The following GXYLT1 variants were observed in gnomAD, a reference collection of about 807,000 sequenced individuals.
The protein encoded by GXYLT1 is glucoside xylosyltransferase 1, also known as glycosyltransferase 8 domain containing 3.
In GXYLT1, 29 loss-of-function variants were observed where a neutral mutation model predicts 54.0. That is an observed-to-expected ratio of 0.54 (90% confidence interval 0.40 to 0.73). The LOEUF is 0.73. Ranked by LOEUF, GXYLT1 falls within the 30% of genes least tolerant of loss-of-function variation. The pLI is 0.00. For synonymous variants in GXYLT1, 176 were observed against 204.1 expected, an observed-to-expected ratio of 0.86 and a Z score of 1.17; for missense variants, 490 against 553.4, an observed-to-expected ratio of 0.89 and a Z score of 1.15.
chr12:42,103,196 T>C (rs2136886287), intron 5 of GXYLT1, among the ~76,000 whole-genome samples: 1 of 152,328 alleles, frequency 6.6e-6, no homozygotes, highest in African/African-American at 2.4e-5. Flanking sequence ...TGGCCTCAAG[T>C]GATCCACCCA....
chr12:42,105,179 G>C (rs1397571014), intron 5 of GXYLT1, among the ~76,000 whole-genome samples: 1 of 152,102 alleles, frequency 6.6e-6, no homozygotes, highest in East Asian at 1.9e-4. Flanking sequence ...ACATGAAACT[G>C]GTAAATATTA....
chr12:42,093,694 G>A (rs2065340863), intron 7 of GXYLT1, among the ~76,000 whole-genome samples: 1 of 151,820 alleles, frequency 6.6e-6, no homozygotes, highest in Non-Finnish European at 1.5e-5. Context: ...TTATTTTTTA[G>A]AGACAAAGTC....
chr12:42,144,687 CG>C lies in GXYLT1; in HGVS notation c.-42del. On this transcript the variant is annotated 5_prime_UTR_variant, in exon 1 of 8. Coordinates refer to ENST00000398675, the MANE Select transcript of GXYLT1 (RefSeq NM_173601.2). ...CCTCCTTCGCCGCCGCCGCCGCGCC[CG>C]CCCCGACGAACTGGAGCGGAGGGAG... 1 of 1,369,816 alleles carries C rather than the reference CG, an allele frequency of 7.3e-7. No individual in the cohort carries two copies. The highest frequency in any genetic ancestry group is 9.5e-7 in the Non-Finnish European group (1 of 1,050,798). 84.9% of individuals were successfully genotyped at this position (1,369,816 alleles called of 1,614,324 possible).
chr12:42,103,818 A>G (rs2065403711), intron 5 of GXYLT1, among the ~76,000 whole-genome samples: 1 of 152,200 alleles, frequency 6.6e-6, no homozygotes, highest in Non-Finnish European at 1.5e-5. Context: ...AAAAGGTTTG[A>G]AAGTTTAGAA....
At chr12:42,137,912 G>A (rs555200752) in intron 1 of GXYLT1, among the ~76,000 whole-genome samples, 19 of 152,206 alleles carry the variant, frequency 1.2e-4, no homozygotes, top group Middle Eastern at 3.4e-3. Context: ...AGATGCTTAC[G>A]GACACATTAA....
chr12:42,141,442 C>A (rs982730403), intron 1 of GXYLT1, among the ~76,000 whole-genome samples: 5 of 151,742 alleles, frequency 3.3e-5, no homozygotes, highest in African/African-American at 9.7e-5. Flanking sequence ...AATTCTATTA[C>A]AAATTAAGTA....
intron 3 of GXYLT1, among the ~76,000 whole-genome samples, chr12:42,112,058 C>G (rs2065460759): frequency 6.7e-6 from 1 of 150,164 alleles, no homozygotes; most frequent in Non-Finnish European, 1.5e-5. Context: ...AAACTCCAAA[C>G]TCCAACAGAC....
intron 2 of GXYLT1, among the ~76,000 whole-genome samples, chr12:42,119,454 G>T (rs2065517486): frequency 6.7e-6 from 1 of 148,516 alleles, no homozygotes; most frequent in African/African-American, 2.6e-5. Flanking sequence ...GAAAGGGAAA[G>T]GCAAAGGGAA....
At chr12:42,129,978 T>C (rs898478595) in intron 1 of GXYLT1, 127 bp from the exon 2 acceptor site, 2 of 596,776 alleles carry the variant, frequency 3.4e-6, no homozygotes, top group Non-Finnish European at 2.9e-6. Flanking sequence ...AAATCCAAAT[T>C]GCTATGATAA....
At position 42,144,750 on chromosome 12, in the gene GXYLT1, C is replaced by CCCGCAGCCG. The variant is rs1555143893; in HGVS notation, c.-113_-105dup. ...AGCCGCGGGCGCAACAAGTTCCTCA[C>CCCGCAGCCG]CCGCAGCCGCCGCCGCCGCCTTGCG... On this transcript the variant is annotated 5_prime_UTR_variant, in exon 1 of 8. Transcript: ENST00000398675. 8 of 801,950 alleles carry CCCGCAGCCG rather than the reference C, an allele frequency of 1.0e-5. No individual in the cohort carries two copies. The highest frequency in any genetic ancestry group is 1.2e-5 in the Non-Finnish European group (7 of 583,664). The allele number at this position is 801,950 out of a possible 1,614,324, so 49.7% of individuals were successfully genotyped here.
At chr12:42,114,869 C>T (rs1016281815) in intron 3 of GXYLT1, among the ~76,000 whole-genome samples, 2 of 151,770 alleles carry the variant, frequency 1.3e-5, no homozygotes, top group African/African-American at 4.8e-5. Flanking sequence ...AACATCGATG[C>T]AAAAATCCTC....
chr12:42,097,987 G>A lies in GXYLT1; in HGVS notation c.911C>T (p.Pro304Leu). The A allele has an allele frequency of 6.2e-7, 1 of 1,604,512 alleles. No individual in the cohort carries two copies. The highest frequency in any genetic ancestry group is 8.5e-7 in the Non-Finnish European group (1 of 1,172,200). ...GTTTAGTTTGTATTTTTTAAGCAAT[G>A]GCATAAGTATATCTCCCCATTGTAG... ...VRLQWGDILMPLLKKYKLNIT... is the reference protein window; with the variant it reads ...VRLQWGDILMLLLKKYKLNIT... Residue 304 changes from proline (P) to leucine (L), a missense_variant, in exon 6 of 8, where the codon CCA (proline) becomes CTA (leucine). Around this residue, in one of 2 missense-constraint regions of GXYLT1, gnomAD observed 342 missense variants for 342.6 expected, o/e 1.00. Coordinates refer to ENST00000398675, the MANE Select transcript of GXYLT1 (RefSeq NM_173601.2).
In GXYLT1 at chr12:42,106,143, G is replaced by A; in HGVS notation, c.613-74C>T. 3 of 985,154 alleles carry A rather than the reference G, an allele frequency of 3.0e-6. No homozygotes were observed. In the South Asian group the frequency reaches 4.5e-5, roughly 15 times the overall value. The allele number at this position is 985,154 out of a possible 1,614,324, so 61.0% of individuals were successfully genotyped here. A position where few individuals can be genotyped will look rare whatever the true frequency, so the allele number is the denominator to read the frequency against. On this transcript the variant is annotated intron_variant, in intron 4 of 7. Transcript: ENST00000398675. ...GAAACATAAAAGCACCTCTAATTGT[G>A]TAAGATACACCTAAGAGATTAGCTA...
intron 2 of GXYLT1, among the ~76,000 whole-genome samples, chr12:42,123,041 CAAAAA>C (rs2065540661): frequency 6.6e-6 from 1 of 151,974 alleles, no homozygotes; most frequent in African/African-American, 2.4e-5. Flanking sequence ...AAAACAAAAA[CAAAAA>C]TATCACAAAA....
chr12:42,111,735 G>C (rs1421513994), intron 3 of GXYLT1, among the ~76,000 whole-genome samples: 1 of 152,230 alleles, frequency 6.6e-6, no homozygotes, highest in African/African-American at 2.4e-5. Flanking sequence ...CAAAAAGACA[G>C]CAGTAACCTC....
At chr12:42,130,055 T>C (rs1008364138) in intron 1 of GXYLT1, among the ~76,000 whole-genome samples, 8 of 152,246 alleles carry the variant, frequency 5.3e-5, no homozygotes, top group Non-Finnish European at 1.2e-4. Flanking sequence ...TTTAAAACCC[T>C]GAAGGTAGAC....
chr12:42,142,866 T>A (rs1312511849), intron 1 of GXYLT1, among the ~76,000 whole-genome samples: 1 of 152,122 alleles, frequency 6.6e-6, no homozygotes, highest in Non-Finnish European at 1.5e-5. Context: ...GAGAGATAAA[T>A]ACACCTATAG....
At chr12:42,096,842 G>A (rs1230804702) in intron 7 of GXYLT1, among the ~76,000 whole-genome samples, 1 of 152,046 alleles carries the variant, frequency 6.6e-6, no homozygotes, top group Non-Finnish European at 1.5e-5. Context: ...CACCAGTGAG[G>A]GGCAGACAAA....
chr12:42,120,067 C>T (rs2065521422), intron 2 of GXYLT1, among the ~76,000 whole-genome samples: 1 of 152,102 alleles, frequency 6.6e-6, no homozygotes. Context: ...GCTTAACTCT[C>T]TCAAGGAACC....
Sources: gnomAD v4.1 joint callset for allele counts (sites outside exome capture counted in the v4.1 genomes callset) on GRCh38, gnomAD v4.1.1 for gene constraint, gnomAD v4.1.1 regional missense constraint, MANE v1.5 for transcripts, NCBI Gene and HGNC (gene_info 2026-07-23, HGNC 2026-07-21) for gene names.